Variants in FUT9 observed in about 807,000 individuals in gnomAD.
FUT9 encodes fucosyltransferase 9, also known as 4-galactosyl-N-acetylglucosaminide 3-alpha-L-fucosyltransferase 9.
FUT9 carries 15 observed loss-of-function variants against 29.7 expected under a neutral mutation model. The ratio of observed to expected loss-of-function variants is 0.51; its 90% CI spans 0.34 to 0.78. The LOEUF is 0.78. Ranked by LOEUF, FUT9 falls within the 30% of genes least tolerant of loss-of-function variation. The pLI is 0.01. For missense variants in FUT9, 319 were observed against 425.4 expected (o/e 0.75, Z 2.20); for synonymous variants, 169 against 153.7 (o/e 1.10, Z -0.74).
chr6:96,017,013 C>G (rs1471868819), intron 1 of FUT9, among the ~76,000 whole-genome samples: 1 of 152,176 alleles, frequency 6.6e-6, no homozygotes, highest in Non-Finnish European at 1.5e-5. Flanking sequence ...AGGAAATACA[C>G]CTATTTTACC....
intron 2 of FUT9, among the ~76,000 whole-genome samples, chr6:96,121,937 A>G (rs1772036246): frequency 6.6e-6 from 1 of 152,074 alleles, no homozygotes; most frequent in African/African-American, 2.4e-5. Flanking sequence ...TTATATTTAG[A>G]GCTTACACTG....
At position 96,031,508 on chromosome 6, in the gene FUT9, T is replaced by A. The variant is rs933475038; in HGVS notation, c.-98+15296T>A. On this transcript the variant is annotated intron_variant, in intron 1 of 2. Coordinates refer to ENST00000302103, the MANE Select transcript of FUT9 (RefSeq NM_006581.4). ...TACCTTTAAGTAGAGTTAGGGTGAC[T>A]GCCCCCCAAGATCACGGCCCAGTGT... Among the ~76,000 whole-genome samples, 3 of 151,590 alleles carry A rather than the reference T, an allele frequency of 2.0e-5. No individual in the cohort carries two copies. In the South Asian group the frequency reaches 6.2e-4, roughly 31 times the overall value.
chr6:96,117,013 G>C (rs536894543), intron 2 of FUT9, among the ~76,000 whole-genome samples: 22 of 152,284 alleles, frequency 1.4e-4, no homozygotes, highest in African/African-American at 5.3e-4. Context: ...ACAGTGACAA[G>C]TGAACCTAAC....
At chr6:96,119,623 T>C (rs1771981770) in intron 2 of FUT9, among the ~76,000 whole-genome samples, 1 of 152,118 alleles carries the variant, frequency 6.6e-6, no homozygotes, top group Non-Finnish European at 1.5e-5. Context: ...ATACATAGTA[T>C]CTCAGAGGAA....
At chr6:96,107,209 C>T (rs530814061) in intron 1 of FUT9, among the ~76,000 whole-genome samples, 16 of 152,122 alleles carry the variant, frequency 1.1e-4, no homozygotes, top group Admixed American at 5.9e-4. Flanking sequence ...TCATACATGT[C>T]TTAAAACTTG....
At chr6:96,028,091 G>A (rs1770197887) in intron 1 of FUT9, among the ~76,000 whole-genome samples, 1 of 151,580 alleles carries the variant, frequency 6.6e-6, no homozygotes, top group Non-Finnish European at 1.5e-5. Flanking sequence ...CTTGCTTGGA[G>A]TATGCCAGTG....
chr6:96,042,610 T>A (rs114581000), intron 1 of FUT9, among the ~76,000 whole-genome samples: 2 of 151,012 alleles, frequency 1.3e-5, no homozygotes, highest in Non-Finnish European at 2.9e-5. Flanking sequence ...TTTACAGCTG[T>A]TTTTTTTAGT....
chr6:96,093,242 A>G (rs1268966614), intron 1 of FUT9, among the ~76,000 whole-genome samples: 2 of 152,136 alleles, frequency 1.3e-5, no homozygotes, highest in African/African-American at 4.8e-5. Context: ...TGACACATTA[A>G]AGGTGCCTAC....
chr6:96,061,856 C>G (rs1043239937), intron 1 of FUT9, among the ~76,000 whole-genome samples: 4 of 152,174 alleles, frequency 2.6e-5, no homozygotes, highest in Non-Finnish European at 5.9e-5. Flanking sequence ...GAGGGATTCT[C>G]CCAGAGTACT....
In FUT9 at chr6:96,214,192, T is replaced by C. The variant is rs1432131358; in HGVS notation, c.*9957T>C. ...TGTTGGCAAGTGATACAATTTACTG[T>C]ATAACAACTTAATAGTACAAAGCAT... On this transcript the variant is annotated 3_prime_UTR_variant, in exon 3 of 3. Coordinates refer to ENST00000302103, the MANE Select transcript of FUT9 (RefSeq NM_006581.4). 1 of 166,908 alleles carries C rather than the reference T, an allele frequency of 6.0e-6. No individual in the cohort carries two copies. The highest frequency in any genetic ancestry group is 1.5e-5 in the Non-Finnish European group (1 of 68,058). 10.3% of individuals were successfully genotyped at this position (166,908 alleles called of 1,614,324 possible).
At chr6:96,049,002 A>G (rs2477511) in intron 1 of FUT9, among the ~76,000 whole-genome samples, 98,743 of 152,046 alleles carry the variant, frequency 0.65, 33,081 homozygotes, top group African/African-American at 0.83. Context: ...AATAATAAAA[A>G]TGTTTTCTTC....
At chr6:96,066,190 T>A (rs1354810494) in intron 1 of FUT9, among the ~76,000 whole-genome samples, 3 of 152,118 alleles carry the variant, frequency 2.0e-5, no homozygotes, top group African/African-American at 7.2e-5. Context: ...GTTAATTGAT[T>A]GGGCTCTGTT....
At chr6:96,041,089 T>C (rs758645157) in intron 1 of FUT9, among the ~76,000 whole-genome samples, 69 of 151,828 alleles carry the variant, frequency 4.5e-4, no homozygotes, top group Non-Finnish European at 7.4e-4. Context: ...GGTTTATGCC[T>C]TTCCCCAGTT....
chr6:96,118,204 CAAA>C (rs71012538), intron 2 of FUT9, among the ~76,000 whole-genome samples: 32,003 of 136,344 alleles, frequency 0.23, 3,465 homozygotes, highest in South Asian at 0.29. Flanking sequence ...GAGTCTGTCT[CAAA>C]AAAAAAAAAA....
At chr6:96,186,453 G>A (rs1773407622) in intron 2 of FUT9, among the ~76,000 whole-genome samples, 1 of 152,220 alleles carries the variant, frequency 6.6e-6, no homozygotes, top group South Asian at 2.1e-4. Flanking sequence ...CTTCTTCTTA[G>A]TATGTTAACG....
At chr6:96,143,288 A>G (rs1425572380) in intron 2 of FUT9, among the ~76,000 whole-genome samples, 1 of 152,148 alleles carries the variant, frequency 6.6e-6, no homozygotes, top group African/African-American at 2.4e-5. Context: ...TGGCACCTTG[A>G]TCTTGGACTT....
intron 2 of FUT9, among the ~76,000 whole-genome samples, chr6:96,188,983 A>G (rs1367099027): frequency 6.6e-6 from 1 of 152,086 alleles, no homozygotes; most frequent in African/African-American, 2.4e-5. Flanking sequence ...CATTAATCGT[A>G]TACTCACACA....
rs1476402257 is a variant in FUT9, at chr6:96,205,498, A to G, written c.*1263A>G. On this transcript the variant is annotated 3_prime_UTR_variant, in exon 3 of 3. Transcript: ENST00000302103. ...TTCATACATAGCACATATGACCATG[A>G]TGTTCAGGGCTTTATAGAACCAAAT... 4.2e-5 allele frequency: 7 copies of G among 167,038 alleles called. No individual in the cohort carries two copies. The highest frequency in any genetic ancestry group is 2.0e-4 in the Admixed American group (3 of 15,272). The allele number at this position is 167,038 out of a possible 1,614,324, so 10.3% of individuals were successfully genotyped here. A position where few individuals can be genotyped will look rare whatever the true frequency, so the allele number is the denominator to read the frequency against.
chr6:96,118,325 A>T (rs1771952999), intron 2 of FUT9, among the ~76,000 whole-genome samples: 1 of 152,182 alleles, frequency 6.6e-6, no homozygotes, highest in Non-Finnish European at 1.5e-5. Context: ...ACCAAAAAAA[A>T]AAGAACTACA....
Sources: allele counts gnomAD v4.1 joint callset (sites outside exome capture counted in the v4.1 genomes callset), GRCh38; gene constraint gnomAD v4.1.1; transcripts MANE v1.5; gene names NCBI Gene and HGNC (gene_info 2026-07-23, HGNC 2026-07-21).